Variants in NUP37 observed in about 807,000 individuals in gnomAD.
NUP37 encodes the protein nucleoporin 37.
Under a neutral mutation model 45.4 loss-of-function variants are expected in NUP37, and 33 were observed. That is an observed-to-expected ratio of 0.73 (90% CI 0.55 to 0.97). The LOEUF (loss-of-function observed/expected upper bound fraction) is 0.97. Among genes scored for constraint, NUP37 ranks in the 50% least tolerant of loss-of-function variants. NUP37 has a pLI of 0.00. For synonymous variants in NUP37, 127 were observed against 130.7 expected (o/e 0.97, Z 0.19); for missense variants, 365 against 389.7 (o/e 0.94, Z 0.53).
chr12:102,078,646 T>C (rs1206252025), intron 6 of NUP37, among the ~76,000 whole-genome samples: 5 of 152,202 alleles, frequency 3.3e-5, no homozygotes, highest in Non-Finnish European at 5.9e-5. Flanking sequence ...ATTTCTAAAA[T>C]GGAGATGGGA....
At chr12:102,110,374 G>A (rs528819930) in intron 3 of NUP37, among the ~76,000 whole-genome samples, 1 of 151,206 alleles carries the variant, frequency 6.6e-6, no homozygotes, top group South Asian at 2.1e-4. Flanking sequence ...GGTGGTGCAT[G>A]CCTGTAGTTC....
intron 2 of NUP37, 96 bp from the exon 3 acceptor site, chr12:102,112,328 A>G: frequency 9.6e-7 from 1 of 1,037,692 alleles, no homozygotes; most frequent in Non-Finnish European, 1.3e-6. Context: ...GGTTATGCTT[A>G]TGCTTTTGAA....
intron 3 of NUP37, among the ~76,000 whole-genome samples, chr12:102,111,896 A>G (rs1000878242): frequency 1.1e-4 from 16 of 152,258 alleles, no homozygotes; most frequent in Non-Finnish European, 2.2e-4. Flanking sequence ...GCTCAAACAC[A>G]TGGTCAAGGC....
chr12:102,080,742 T>C (rs1019891043), intron 6 of NUP37, among the ~76,000 whole-genome samples: 7 of 152,210 alleles, frequency 4.6e-5, no homozygotes, highest in African/African-American at 1.7e-4. Flanking sequence ...GCACACATGT[T>C]CCCTGCTACA....
At chr12:102,075,613 A>G (rs1168951598) in intron 8 of NUP37, among the ~76,000 whole-genome samples, 4 of 152,234 alleles carry the variant, frequency 2.6e-5, no homozygotes, top group South Asian at 2.1e-4. Context: ...AGTTTTATGA[A>G]GTGCTTATTT....
rs550459317 is a variant in NUP37, at chr12:102,074,970, G to A, written c.867+31C>T. 1.4e-5 allele frequency: 18 copies of A among 1,264,526 alleles called. No homozygotes were observed. The East Asian group carries it at 1.8e-4, about 12-fold the overall frequency. The allele number at this position is 1,264,526 out of a possible 1,614,324, so 78.3% of individuals were successfully genotyped here. ...AAAACACAAATTAAAAAAAAAAAAA[G>A]CACGTATGTTACAAAACATTTCCAC... is the stretch of plus-strand genomic sequence containing the variant. On this transcript the variant is annotated intron_variant, in intron 9 of 9. Transcript: ENST00000552283.
intron 3 of NUP37, among the ~76,000 whole-genome samples, chr12:102,103,894 C>G (rs1441834208): frequency 6.6e-6 from 1 of 152,100 alleles, no homozygotes; most frequent in East Asian, 1.9e-4. Flanking sequence ...ATGACGAGCC[C>G]ACAGGTAACA....
intron 6 of NUP37, chr12:102,079,086 T>C: frequency 2.4e-6 from 1 of 410,200 alleles, no homozygotes; most frequent in Non-Finnish European, 4.8e-6. Flanking sequence ...TTAATTCTGG[T>C]TCTATTAAGT....
At chr12:102,094,810 A>G (rs766717751) in intron 5 of NUP37, among the ~76,000 whole-genome samples, 1 of 152,118 alleles carries the variant, frequency 6.6e-6, no homozygotes, top group Non-Finnish European at 1.5e-5. Context: ...CATGACAACT[A>G]CAAATATTTC....
At chr12:102,096,895 T>G (rs575332100) in intron 5 of NUP37, among the ~76,000 whole-genome samples, 8 of 152,168 alleles carry the variant, frequency 5.3e-5, no homozygotes, top group Non-Finnish European at 1.0e-4. Flanking sequence ...GAGTTGTTTA[T>G]TTTTGGTTGG....
chr12:102,094,858 C>T (rs1463723759), intron 5 of NUP37, among the ~76,000 whole-genome samples: 2 of 152,028 alleles, frequency 1.3e-5, no homozygotes, highest in East Asian at 1.9e-4. Flanking sequence ...ATTATATGCA[C>T]ACCTATATTT....
chr12:102,083,702 T>C (rs1209720527), intron 6 of NUP37, among the ~76,000 whole-genome samples: 5 of 152,182 alleles, frequency 3.3e-5, no homozygotes, highest in Non-Finnish European at 7.3e-5. Flanking sequence ...CACAAATATA[T>C]GGTGAAAGAA....
intron 3 of NUP37, among the ~76,000 whole-genome samples, chr12:102,105,913 C>T (rs1880137395): frequency 6.7e-6 from 1 of 149,816 alleles, no homozygotes; most frequent in Non-Finnish European, 1.5e-5. Flanking sequence ...TATGTGTTAA[C>T]CCCTGGTAAC....
chr12:102,083,439 C>T (rs1421449389), intron 6 of NUP37, among the ~76,000 whole-genome samples: 3 of 152,190 alleles, frequency 2.0e-5, no homozygotes, highest in Admixed American at 2.0e-4. Context: ...CATGAAATCC[C>T]AGGGTTCAGA....
intron 5 of NUP37, among the ~76,000 whole-genome samples, chr12:102,098,646 C>T (rs1351897771): frequency 2.6e-5 from 4 of 152,064 alleles, no homozygotes; most frequent in African/African-American, 4.8e-5. Context: ...ATTCCCTTGC[C>T]TCAGTCCCCC....
chr12:102,116,157 T>A (rs1368515223), intron 2 of NUP37, among the ~76,000 whole-genome samples: 1 of 152,206 alleles, frequency 6.6e-6, no homozygotes, highest in Admixed American at 6.5e-5. Flanking sequence ...TTTTTTCTCA[T>A]GTTAGTCATT....
intron 9 of NUP37, 197 bp downstream of exon 9, chr12:102,074,802 TCA>T: frequency 2.2e-6 from 1 of 454,318 alleles, no homozygotes. Context: ...AAACCTGTTG[TCA>T]CTGGTAATGT....
chr12:102,077,307 A>G lies in NUP37; in HGVS notation c.722+15T>C. 6.2e-7 allele frequency: 1 copy of G among 1,613,678 alleles called. No homozygotes were observed. Among genetic ancestry groups the G allele is most frequent in the Non-Finnish European group, 8.5e-7 (1 of 1,179,722 alleles). On this transcript the variant is annotated intron_variant, in intron 7 of 9. Transcript: ENST00000552283. The stretch of plus-strand genomic sequence containing the variant: ...TTTTTTTGGTGTGTAATAGACAAAC[A>G]TATCAAGAAAGTACCTGGACCGAGT...
chr12:102,115,696 T>C (rs985517338), intron 2 of NUP37: 1 of 319,484 alleles, frequency 3.1e-6, no homozygotes, highest in Non-Finnish European at 4.5e-6. Flanking sequence ...TTCTGAAAAA[T>C]GCTTTATTGA....
Sources: allele counts gnomAD v4.1 joint callset (sites outside exome capture counted in the v4.1 genomes callset), GRCh38; gene constraint gnomAD v4.1.1; transcripts MANE v1.5; gene names NCBI Gene and HGNC (gene_info 2026-07-23, HGNC 2026-07-21).